TANC2: variants seen among roughly 807,000 people sequenced by gnomAD.
TANC2 encodes the protein protein TANC2.
In TANC2, 26 loss-of-function variants were observed where a neutral mutation model predicts 210.5. The observed-to-expected ratio is 0.12, with a 90% confidence interval of 0.09 to 0.17. The LOEUF (loss-of-function observed/expected upper bound fraction) is 0.17, where lower values mean the gene tolerates loss of function less well. TANC2 is among the 10% of genes least tolerant of loss of function. The pLI is 1.00. For synonymous variants in TANC2, 931 were observed against 967.1 expected (o/e 0.96, Z 0.69); for missense variants, 2,129 against 2,608.9 (o/e 0.82, Z 4.01).
At chr17:63,313,793 T>C (rs918678901) in intron 9 of TANC2, among the ~76,000 whole-genome samples, 34 of 152,204 alleles carry the variant, frequency 2.2e-4, no homozygotes, top group Admixed American at 1.6e-3. Flanking sequence ...ACTATTCTCA[T>C]TGGTGTTTTT....
Position 63,421,904 on chromosome 17 carries a change from G to A in TANC2, c.6174G>A (p.Gly2058=). The A allele has an allele frequency of 1.2e-6, 2 of 1,613,938 alleles. No homozygotes were observed. Among genetic ancestry groups the A allele is most frequent in the Non-Finnish European group, 1.7e-6 (2 of 1,179,836 alleles). The stretch of plus-strand genomic sequence containing the variant: ...AGCTGTCCCGAGACTCTCGGCAAGG[G>A]CAGACATCCCCTATCAAACCAAAGA... The change falls in exon 28 of 28, where the codon GGG becomes GGA. Residue 2058 remains glycine, a synonymous_variant. Transcript: ENST00000689528. This position sits in a 1 kb window ranked among gnomAD's most constrained non-coding sequence, Gnocchi z 6.9.
chr17:63,108,052 A>C (rs1229663436), intron 4 of TANC2, among the ~76,000 whole-genome samples: 1 of 151,834 alleles, frequency 6.6e-6, no homozygotes, highest in Non-Finnish European at 1.5e-5. Flanking sequence ...TTTATGCCAG[A>C]GGCTACAAAT....
chr17:63,071,406 C>G (rs765260344), intron 2 of TANC2, among the ~76,000 whole-genome samples: 6 of 152,058 alleles, frequency 3.9e-5, no homozygotes, highest in Non-Finnish European at 8.8e-5. Flanking sequence ...ATCCTCCCAC[C>G]TTGGGCTCCC....
intron 9 of TANC2, among the ~76,000 whole-genome samples, chr17:63,296,361 T>C (rs1437851782): frequency 2.6e-5 from 4 of 151,000 alleles, no homozygotes; most frequent in African/African-American, 9.8e-5. Flanking sequence ...AGTAGAGTCA[T>C]TGCAAAAATT....
chr17:63,380,945 G>T (rs567011148), intron 15 of TANC2, among the ~76,000 whole-genome samples: 26 of 152,216 alleles, frequency 1.7e-4, no homozygotes, highest in Middle Eastern at 3.4e-3. Context: ...AAAATAACTG[G>T]CAAGGTATGG....
rs529820008 is a variant in TANC2 at position 63,416,031 on chromosome 17, T to C, written c.4167+357T>C. Among the ~76,000 whole-genome samples, 9 of 152,316 alleles carry C rather than the reference T, an allele frequency of 5.9e-5. No homozygotes were observed. The East Asian group carries it at 1.5e-3, about 26-fold the overall frequency. On this transcript the variant is annotated intron_variant, in intron 26 of 27. Coordinates refer to ENST00000689528, the Ensembl canonical transcript of TANC2. ...AATTCCAGTTGCAATTAGATGTGAA[T>C]TGTAGTCATTACTCTCAGGTATATT... is the stretch of plus-strand genomic sequence containing the variant.
chr17:63,224,679 G>T (rs990067590), intron 7 of TANC2, among the ~76,000 whole-genome samples: 1 of 152,170 alleles, frequency 6.6e-6, no homozygotes, highest in African/African-American at 2.4e-5. Context: ...TAGAGAGGAT[G>T]GTCACCTTCA....
In TANC2 at chr17:63,219,212, A is replaced by G. The variant is rs531127744; in HGVS notation, c.769+18255A>G. 3.0e-4 allele frequency among the ~76,000 whole-genome samples: 46 copies of G among 152,344 alleles called. 1 individual carries two copies. In the South Asian group the frequency reaches 8.1e-3, roughly 27 times the overall value. On this transcript the variant is annotated intron_variant, in intron 7 of 27. Transcript: ENST00000689528. ...GATCTATTCCAGGGGTTGGTAAACCATGGCAGGCAGGCCAAATCTGGCTAC... is the reference window on the plus strand; with the variant it reads ...GATCTATTCCAGGGGTTGGTAAACCGTGGCAGGCAGGCCAAATCTGGCTAC...
intron 11 of TANC2, chr17:63,332,439 C>A (rs562173549): frequency 1.1e-4 from 40 of 365,940 alleles, no homozygotes; most frequent in South Asian, 8.2e-4. Context: ...ACAGACTCTG[C>A]AATAAAGGAC....
intron 9 of TANC2, among the ~76,000 whole-genome samples, chr17:63,272,294 T>C (rs1245148214): frequency 6.6e-6 from 1 of 152,162 alleles, no homozygotes; most frequent in Non-Finnish European, 1.5e-5. Context: ...CCTGGTTCTC[T>C]ATTATGTTCG....
intron 2 of TANC2, among the ~76,000 whole-genome samples, chr17:63,060,325 A>G (rs549045573): frequency 6.6e-6 from 1 of 152,212 alleles, no homozygotes; most frequent in Non-Finnish European, 1.5e-5. Flanking sequence ...TCTCTCTTTA[A>G]AAGTCCTCGT....
chr17:63,256,806 A>G (rs1485283333), intron 8 of TANC2, among the ~76,000 whole-genome samples: 1 of 152,140 alleles, frequency 6.6e-6, no homozygotes, highest in African/African-American at 2.4e-5. Context: ...TTGGGTGCAT[A>G]TATATTTACA....
intron 14 of TANC2, among the ~76,000 whole-genome samples, chr17:63,369,703 A>G (rs1302567175): frequency 2.0e-5 from 3 of 151,692 alleles, no homozygotes; most frequent in African/African-American, 7.3e-5. Flanking sequence ...ATAGGCATGT[A>G]CCACCATGCC....
intron 9 of TANC2, chr17:63,305,498 T>G (rs187697421): frequency 7.1e-4 from 108 of 152,462 alleles, no homozygotes; most frequent in African/African-American, 2.5e-3. Flanking sequence ...TCGCGTCTGC[T>G]TCTAGTCAGC....
intron 14 of TANC2, among the ~76,000 whole-genome samples, chr17:63,362,736 A>G (rs2047002560): frequency 6.6e-6 from 1 of 152,206 alleles, no homozygotes; most frequent in Admixed American, 6.5e-5. Flanking sequence ...CAGAGTGGGC[A>G]CTGGGAACAG....
intron 3 of TANC2, among the ~76,000 whole-genome samples, chr17:63,085,810 T>A (rs755590247): frequency 2.0e-5 from 3 of 152,178 alleles, no homozygotes; most frequent in East Asian, 1.9e-4. Flanking sequence ...AAGAATTTTT[T>A]AAAAAGTCTT....
At chr17:63,359,363 T>TCC (rs759348317) in intron 14 of TANC2, among the ~76,000 whole-genome samples, 1 of 149,756 alleles carries the variant, frequency 6.7e-6, no homozygotes, top group South Asian at 2.1e-4. Flanking sequence ...TTTTTTTTTT[T>TCC]CGAGACAGAG....
At chr17:63,156,016 TC>T in intron 5 of TANC2, among the ~76,000 whole-genome samples, 2 of 152,280 alleles carry the variant, frequency 1.3e-5, no homozygotes, top group Middle Eastern at 6.8e-3. Flanking sequence ...TTTTCTTTCT[TC>T]CATTTAAAAA....
intron 2 of TANC2, among the ~76,000 whole-genome samples, chr17:63,043,235 A>G (rs942994344): frequency 5.3e-5 from 8 of 152,228 alleles, no homozygotes; most frequent in African/African-American, 1.9e-4. Flanking sequence ...AGAGGGCAAA[A>G]GTGTAAATAT....
Sources: gnomAD v4.1 joint callset for allele counts (sites outside exome capture counted in the v4.1 genomes callset) on GRCh38, gnomAD v4.1.1 for gene constraint, Gnocchi (gnomAD v3.1) non-coding constraint, MANE v1.5 for transcripts, NCBI Gene and HGNC (gene_info 2026-07-23, HGNC 2026-07-21) for gene names.